ADAM9: variants seen among roughly 807,000 people sequenced by gnomAD.
ADAM9 encodes ADAM metallopeptidase domain 9, also known as disintegrin and metalloproteinase domain-containing protein 9.
ADAM9 carries 54 observed loss-of-function variants against 108.1 expected under a neutral mutation model. The ratio of observed to expected loss-of-function variants is 0.50; its 90% confidence interval spans 0.40 to 0.63. The LOEUF is 0.63. Ranked by LOEUF, ADAM9 falls within the 20% of genes least tolerant of loss-of-function variation. The probability of loss-of-function intolerance (pLI) is 0.00; values close to 1 mark genes in which losing one functional copy is unlikely to be tolerated. For missense variants in ADAM9, 830 were observed against 997.7 expected (o/e 0.83, Z 2.26); for synonymous variants, 316 against 336.0 (o/e 0.94, Z 0.65).
intron 12 of ADAM9, among the ~76,000 whole-genome samples, chr8:39,046,699 G>C (rs989487711): frequency 2.0e-5 from 3 of 151,800 alleles, no homozygotes; most frequent in African/African-American, 7.3e-5. Context: ...TGCTTTTTCT[G>C]TATCTATTGA....
At chr8:39,016,409 T>G (rs1836528168) in intron 5 of ADAM9, among the ~76,000 whole-genome samples, 1 of 152,016 alleles carries the variant, frequency 6.6e-6, no homozygotes, top group Non-Finnish European at 1.5e-5. Context: ...AAAGAGGAAA[T>G]TTTTTTTGAG....
Position 39,071,302 on chromosome 8 carries a change from C to T in ADAM9, c.1596C>T (p.Ala532=). The T allele has an allele frequency of 6.2e-7, 1 of 1,613,772 alleles. No homozygotes were observed. The change falls in exon 15 of 22, where the codon GCC becomes GCT. Residue 532 remains alanine, a synonymous_variant. Transcript: ENST00000487273. The part of the protein sequence containing the change: ...AQCQVIFGSK[A]KAAPKDCFIE... ...TTTAAATGTTTAATGTTACAGAAGC[C>T]AAGGCTGCCCCCAAAGATTGTTTCA...
chr8:39,058,421 T>C (rs1198692886), intron 14 of ADAM9, among the ~76,000 whole-genome samples: 1 of 152,226 alleles, frequency 6.6e-6, no homozygotes, highest in Non-Finnish European at 1.5e-5. Context: ...ACTGTCGTTC[T>C]TGAAGGGTCT....
chr8:39,036,154 ATTG>A (rs1285377882), intron 11 of ADAM9, among the ~76,000 whole-genome samples: 2 of 151,474 alleles, frequency 1.3e-5, no homozygotes, highest in African/African-American at 4.9e-5. Context: ...TTTTTTTGTT[ATTG>A]TTTATGATAT....
chr8:39,073,961 A>G (rs1489078578), intron 15 of ADAM9, among the ~76,000 whole-genome samples: 1 of 152,162 alleles, frequency 6.6e-6, no homozygotes, highest in Non-Finnish European at 1.5e-5. Flanking sequence ...CTTCACATAC[A>G]TACCTCATTT....
At chr8:39,072,635 A>G (rs924832873) in intron 15 of ADAM9, among the ~76,000 whole-genome samples, 19 of 152,258 alleles carry the variant, frequency 1.2e-4, no homozygotes, top group Non-Finnish European at 2.4e-4. Context: ...AGGGCTCTGC[A>G]CCTGCTGTTC....
chr8:39,096,792 A>G (rs564042877), intron 20 of ADAM9, among the ~76,000 whole-genome samples: 2 of 152,194 alleles, frequency 1.3e-5, no homozygotes, highest in African/African-American at 4.8e-5. Flanking sequence ...GAATCTTTCA[A>G]TTTAGCATTA....
intron 14 of ADAM9, among the ~76,000 whole-genome samples, chr8:39,069,136 A>T (rs1333212267): frequency 6.6e-6 from 1 of 152,040 alleles, no homozygotes; most frequent in Non-Finnish European, 1.5e-5. Flanking sequence ...CCACTTTAAG[A>T]TTCAGTTTTC....
chr8:39,025,210 C>G (rs372247766), intron 9 of ADAM9, among the ~76,000 whole-genome samples: 25 of 152,166 alleles, frequency 1.6e-4, no homozygotes, highest in African/African-American at 6.0e-4. Flanking sequence ...TCTGCCTCAG[C>G]CTCCCGAGTT....
intron 14 of ADAM9, among the ~76,000 whole-genome samples, chr8:39,059,251 G>A (rs1016497881): frequency 6.6e-6 from 1 of 152,220 alleles, no homozygotes; most frequent in African/African-American, 2.4e-5. Flanking sequence ...TCTATATCAA[G>A]AGTACGTGTG....
intron 11 of ADAM9, among the ~76,000 whole-genome samples, chr8:39,039,984 T>G (rs866915186): frequency 5.3e-5 from 8 of 152,310 alleles, no homozygotes; most frequent in Admixed American, 1.3e-4. Flanking sequence ...CAATCTACAT[T>G]CCCACCAACA....
intron 12 of ADAM9, among the ~76,000 whole-genome samples, chr8:39,044,265 TGTATGGCGTAA>T (rs1457173828): frequency 6.6e-6 from 1 of 152,224 alleles, no homozygotes; most frequent in Non-Finnish European, 1.5e-5. Context: ...TTGATTTTTG[TGTATGGCGTAA>T]GATAAGGTTC....
At chr8:39,024,274 C>T (rs965044573) in intron 9 of ADAM9, among the ~76,000 whole-genome samples, 4 of 152,034 alleles carry the variant, frequency 2.6e-5, no homozygotes, top group African/African-American at 4.8e-5. Context: ...TAAAATCGTA[C>T]GCTCACACAT....
At chr8:39,025,322 C>T (rs577912445) in intron 9 of ADAM9, among the ~76,000 whole-genome samples, 1 of 152,154 alleles carries the variant, frequency 6.6e-6, no homozygotes, top group Admixed American at 6.5e-5. Flanking sequence ...GTCTCAAACT[C>T]CTGACCTCAG....
chr8:39,060,435 G>T (rs1254448916), intron 14 of ADAM9, among the ~76,000 whole-genome samples: 1 of 152,150 alleles, frequency 6.6e-6, no homozygotes, highest in African/African-American at 2.4e-5. Context: ...GTGGGTAAAT[G>T]GGCCAGAGTT....
chr8:39,101,952 A>G, intron 21 of ADAM9, 22 bp downstream of exon 21: 1 of 1,599,172 alleles, frequency 6.3e-7, no homozygotes, highest in East Asian at 2.2e-5. Flanking sequence ...ATTTGCTTAG[A>G]TTTTTTGGCC....
intron 7 of ADAM9, 81 bp downstream of exon 7, chr8:39,018,999 A>T: frequency 7.7e-7 from 1 of 1,295,340 alleles, no homozygotes; most frequent in Non-Finnish European, 1.1e-6. Context: ...TCTAAACTAC[A>T]CATTGTTTGT....
intron 16 of ADAM9, among the ~76,000 whole-genome samples, chr8:39,078,921 T>C (rs779116344): frequency 6.6e-6 from 1 of 152,216 alleles, no homozygotes; most frequent in Non-Finnish European, 1.5e-5. Context: ...GCTGTACCTT[T>C]TCAAAATAAG....
intron 18 of ADAM9, among the ~76,000 whole-genome samples, chr8:39,088,965 T>C (rs951461414): frequency 2.0e-5 from 3 of 151,980 alleles, no homozygotes; most frequent in Admixed American, 2.0e-4. Context: ...AAGAAAAAAG[T>C]GAGGCCAGGC....
Sources: allele counts gnomAD v4.1 joint callset (sites outside exome capture counted in the v4.1 genomes callset), GRCh38; gene constraint gnomAD v4.1.1; transcripts MANE v1.5; gene names NCBI Gene and HGNC (gene_info 2026-07-23, HGNC 2026-07-21).